Variants in CRYL1 observed in about 807,000 individuals in gnomAD.
CRYL1 encodes the protein lambda-crystallin homolog.
CRYL1 carries 29 observed loss-of-function variants against 36.6 expected under a neutral mutation model. The observed-to-expected ratio is 0.79, with a 90% CI of 0.59 to 1.08. CRYL1 has a LOEUF of 1.08. Among genes scored for constraint, CRYL1 ranks in the 50% least tolerant of loss-of-function variants. The pLI is 0.00. For synonymous variants in CRYL1, 152 were observed against 151.5 expected (o/e 1.00, Z -0.02); for missense variants, 411 against 407.9 (o/e 1.01, Z -0.06).
intron 1 of CRYL1, among the ~76,000 whole-genome samples, chr13:20,513,838 T>C (rs1392796422): frequency 1.3e-5 from 2 of 151,720 alleles, no homozygotes; most frequent in Non-Finnish European, 1.5e-5. Flanking sequence ...AAATGGCTAA[T>C]TTGAAGACAG....
At chr13:20,517,479 C>T (rs532199759) in intron 1 of CRYL1, among the ~76,000 whole-genome samples, 43 of 152,094 alleles carry the variant, frequency 2.8e-4, no homozygotes, top group Non-Finnish European at 5.6e-4. Context: ...TCTGTAATCC[C>T]AGCTACTCAG....
rs529923231 is a variant in CRYL1 at position 20,439,631 on chromosome 13, C to T, written c.400G>A (p.Gly134Ser). The T allele has an allele frequency of 2.7e-4, 432 of 1,613,716 alleles. 5 individuals are homozygous for T. In the South Asian group the frequency reaches 4.5e-3, roughly 17 times the overall value. ...ATGCATTGCTTCACATGGACCAAGC[C>T]AGCAAACAACTTGGAAGGCATGAGA... Reference protein sequence around the residue: ...SCLMPSKLFAGLVHVKQCIVA... With the variant: ...SCLMPSKLFASLVHVKQCIVA... Residue 134 changes from glycine to serine, a missense_variant, in exon 4 of 8, where the codon GGC (glycine) becomes AGC (serine). Physicochemically the swap from Gly to Ser is moderately conservative, Grantham distance 56 (BLOSUM62 0). Transcript: ENST00000298248.
intron 3 of CRYL1, among the ~76,000 whole-genome samples, chr13:20,460,597 C>T (rs1185169247): frequency 1.5e-5 from 2 of 135,946 alleles, no homozygotes; most frequent in Non-Finnish European, 3.1e-5. Flanking sequence ...GCTATCTCGG[C>T]TCACTGCAAG....
intron 4 of CRYL1, among the ~76,000 whole-genome samples, chr13:20,433,136 G>A (rs2032110086): frequency 1.3e-5 from 2 of 152,056 alleles, no homozygotes; most frequent in South Asian, 4.2e-4. Flanking sequence ...AAATCAACAG[G>A]CATCAACACA....
Position 20,413,309 on chromosome 13 carries a change from G to A in CRYL1, c.712C>T (p.Leu238=). ...TCTGCATTGAGATGCATGGTTTCCA[G>A]GGGTCCAATGAATGCATACCGCATG... ...LGMRYAFIGP[L]ETMHLNAEGM... Residue 238 remains leucine, a synonymous_variant, in exon 6 of 8, where the codon CTG becomes TTG. Transcript: ENST00000298248. The A allele has an allele frequency of 6.2e-7, 1 of 1,613,210 alleles. No individual in the cohort carries two copies. The highest frequency in any genetic ancestry group is 8.5e-7 in the Non-Finnish European group (1 of 1,179,254).
rs199850964 is a variant in CRYL1 at position 20,419,641 on chromosome 13, G to A, written c.634-6254C>T. Among the ~76,000 whole-genome samples the A allele has an allele frequency of 2.5e-4, 38 of 152,190 alleles. No homozygotes were observed. In the East Asian group the frequency reaches 6.9e-3, roughly 28 times the overall value. On this transcript the variant is annotated intron_variant, in intron 5 of 7. Transcript: ENST00000298248. ...GGGTTTCTCCATGTTGGTCAGACTG[G>A]TCTCAAACTCCTGACCTCAAGTGAT...
chr13:20,471,860 AT>A lies in CRYL1; in HGVS notation c.276+17509del, dbSNP rs1201449710. Among the ~76,000 whole-genome samples, 254 of 111,710 alleles carry A rather than the reference AT, an allele frequency of 2.3e-3. 1 individual carries two copies. The highest frequency in any genetic ancestry group is 9.7e-3 in the Middle Eastern group (2 of 206). The allele number at this position is 111,710 out of a possible 152,430, so 73.3% of individuals were successfully genotyped here. A position where few individuals can be genotyped will look rare whatever the true frequency, so the allele number is the denominator to read the frequency against. On this transcript the variant is annotated intron_variant, in intron 3 of 7. Transcript: ENST00000298248. ...TTCTCTCTCTCTCTTCCTTTCTTTCATTTTTTTTTTGAGACGTAGTCTCACT... is the reference window on the plus strand; with the variant it reads ...TTCTCTCTCTCTCTTCCTTTCTTTCATTTTTTTTTGAGACGTAGTCTCACT...
At chr13:20,484,813 G>A (rs1326691948) in intron 3 of CRYL1, among the ~76,000 whole-genome samples, 1 of 152,160 alleles carries the variant, frequency 6.6e-6, no homozygotes, top group Non-Finnish European at 1.5e-5. Flanking sequence ...TTGGAATAAT[G>A]AACCTAAACA....
At chr13:20,507,761 A>G (rs2033824700) in intron 2 of CRYL1, among the ~76,000 whole-genome samples, 1 of 151,830 alleles carries the variant, frequency 6.6e-6, no homozygotes. Flanking sequence ...TACTAAAAAT[A>G]TAAAAAATTA....
At chr13:20,500,166 T>C (rs1383737430) in intron 2 of CRYL1, among the ~76,000 whole-genome samples, 1 of 152,240 alleles carries the variant, frequency 6.6e-6, no homozygotes, top group Non-Finnish European at 1.5e-5. Context: ...GAAATAACTT[T>C]TATGGCTTTT....
chr13:20,511,279 A>G (rs1410292095), intron 2 of CRYL1, among the ~76,000 whole-genome samples: 1 of 151,648 alleles, frequency 6.6e-6, no homozygotes, highest in Non-Finnish European at 1.5e-5. Context: ...TTCTGTAGAG[A>G]CGGGGTCTCA....
rs570568603 is a variant in CRYL1, at chr13:20,486,541, G to A, written c.276+2829C>T. On this transcript the variant is annotated intron_variant, in intron 3 of 7. Transcript: ENST00000298248. ...GCATTAAACCTTCCCGAAGCCTCCC[G>A]GTCAGAACTATTCCTACCCACTCCT... Among the ~76,000 whole-genome samples the A allele has an allele frequency of 4.0e-4, 50 of 125,076 alleles. 1 individual carries two copies. Among genetic ancestry groups the A allele is most frequent in the Non-Finnish European group, 3.6e-4 (23 of 63,618 alleles). 82.1% of individuals were successfully genotyped at this position (125,076 alleles called of 152,430 possible).
intron 2 of CRYL1, 26 bp from the exon 3 acceptor site, chr13:20,489,522 T>C: frequency 6.2e-7 from 1 of 1,610,828 alleles, no homozygotes; most frequent in East Asian, 2.2e-5. Flanking sequence ...GAAGGATCAC[T>C]GTGAGTATTC....
intron 5 of CRYL1, among the ~76,000 whole-genome samples, chr13:20,429,992 C>T (rs2032020220): frequency 6.6e-6 from 1 of 152,046 alleles, no homozygotes; most frequent in South Asian, 2.1e-4. Flanking sequence ...ACGACAAGCC[C>T]CCTCCTCCTC....
intron 3 of CRYL1, among the ~76,000 whole-genome samples, chr13:20,441,363 T>C (rs963091987): frequency 3.9e-5 from 6 of 152,130 alleles, no homozygotes; most frequent in African/African-American, 1.2e-4. Context: ...CCACTAAAGT[T>C]TGGGAACCAC....
chr13:20,480,668 G>C (rs926691953), intron 3 of CRYL1, among the ~76,000 whole-genome samples: 3 of 152,182 alleles, frequency 2.0e-5, no homozygotes, highest in Non-Finnish European at 4.4e-5. Flanking sequence ...TCACTGCCTC[G>C]TCCATCACTG....
intron 2 of CRYL1, among the ~76,000 whole-genome samples, chr13:20,490,371 G>A (rs1431015858): frequency 1.3e-5 from 2 of 152,010 alleles, no homozygotes; most frequent in South Asian, 2.1e-4. Context: ...CAGCCTGAGC[G>A]ACAGAGTGAG....
At chr13:20,429,582 G>C (rs2137386179) in intron 5 of CRYL1, among the ~76,000 whole-genome samples, 1 of 152,266 alleles carries the variant, frequency 6.6e-6, no homozygotes, top group East Asian at 1.9e-4. Flanking sequence ...CTGTCTGCTA[G>C]GTGGGAGGCA....
At chr13:20,488,483 A>G (rs1388141494) in intron 3 of CRYL1, among the ~76,000 whole-genome samples, 1 of 152,254 alleles carries the variant, frequency 6.6e-6, no homozygotes, top group African/African-American at 2.4e-5. Context: ...GAAATTTTAG[A>G]GTCATAGAGA....
Sources: gnomAD v4.1 joint callset for allele counts (sites outside exome capture counted in the v4.1 genomes callset) on GRCh38, gnomAD v4.1.1 for gene constraint, MANE v1.5 for transcripts, NCBI Gene and HGNC (gene_info 2026-07-23, HGNC 2026-07-21) for gene names.